Variants in NKX6-3 observed in about 807,000 individuals in gnomAD.
The protein encoded by NKX6-3 is homeobox protein Nkx-6.3.
In NKX6-3, 17 loss-of-function variants were observed where a neutral mutation model predicts 22.0. The observed-to-expected ratio is 0.77, with a 90% confidence interval of 0.53 to 1.16. The LOEUF (loss-of-function observed/expected upper bound fraction) is 1.16, where lower values mean the gene tolerates loss of function less well. Ranked by LOEUF, NKX6-3 falls within the 50% of genes most tolerant of loss-of-function variation. The probability of loss-of-function intolerance (pLI) is 0.00; values close to 1 mark genes in which losing one functional copy is unlikely to be tolerated. For synonymous variants in NKX6-3, 177 were observed against 167.2 expected, an observed-to-expected ratio of 1.06 and a Z score of -0.45; for missense variants, 363 against 359.0, an observed-to-expected ratio of 1.01 and a Z score of -0.09.
Position 41,646,651 on chromosome 8 carries a change from G to A in NKX6-3, c.596C>T (p.Ala199Val), listed in dbSNP as rs903285382. The A allele has an allele frequency of 1.9e-6, 3 of 1,547,068 alleles. No homozygotes were observed. The highest frequency in any genetic ancestry group is 2.7e-5 in the African/African-American group (2 of 72,734). Residue 199 changes from alanine (A) to valine (V), a missense_variant, in exon 3 of 3, where the codon GCC becomes GTC. By Grantham distance (64) the Ala-to-Val change is moderately conservative. This residue lies in a region of NKX6-3 where 169 missense variants were observed against 155.8 expected (regional missense o/e 1.08). Transcript: ENST00000518699. ...GGGCGTGGAGGACGAGGGCTCCAGG[G>A]CGCTCTTCTTCCGCCACTTGGTCCT... is the stretch of plus-strand genomic sequence containing the variant. ...NRRTKWRKKS[A>V]LEPSSSTPRA...
At chr8:41,647,434 G>C (rs571571957) in intron 2 of NKX6-3, 2 of 1,393,428 alleles carry the variant, frequency 1.4e-6, no homozygotes, top group Non-Finnish European at 1.9e-6. Context: ...GGTAGAAACC[G>C]GTTTCCCCGG....
At position 41,646,571 on chromosome 8, in the gene NKX6-3, T is replaced by C. The variant is rs539243524; in HGVS notation, c.676A>G (p.Asn226Asp). ...GGCTTGTTGTACTCGTCGTCCTCGT[T>C]CTCCGAGGGTGCGCGGTCCCCGCCT... ...GAGGDRAPSENEDDEYNKPLD... is the reference protein window; with the variant it reads ...GAGGDRAPSEDEDDEYNKPLD... Residue 226 changes from asparagine (N) to aspartate (D), a missense_variant, in exon 3 of 3, where the codon AAC (asparagine) becomes GAC (aspartate). Around this residue, in one of 3 missense-constraint regions of NKX6-3, gnomAD observed 169 missense variants for 155.8 expected, o/e 1.08. Coordinates refer to ENST00000518699, the MANE Select transcript of NKX6-3 (RefSeq NM_001364841.2). 5 of 1,599,572 alleles carry C rather than the reference T, an allele frequency of 3.1e-6. No homozygotes were observed. In the East Asian group the frequency reaches 6.8e-5, roughly 22 times the overall value.
Position 41,650,621 on chromosome 8 carries a change from T to G in NKX6-3, c.-129A>C. ...TCCGAGCTCCTGACTGCCTCCCACC[T>G]AAGGCATGGGCCAGGCCCTGGCCCA... is the stretch of plus-strand genomic sequence containing the variant. On this transcript the variant is annotated 5_prime_UTR_variant, in exon 1 of 3. The change abolishes the stop of an existing upstream ORF in the 5' untranslated region. Coordinates refer to ENST00000518699, the MANE Select transcript of NKX6-3 (RefSeq NM_001364841.2). 1 of 952,422 alleles carries G rather than the reference T, an allele frequency of 1.0e-6. No homozygotes were observed. The highest frequency in any genetic ancestry group is 1.7e-5 in the African/African-American group (1 of 60,294). 59.0% of individuals were successfully genotyped at this position (952,422 alleles called of 1,614,324 possible).
intron 2 of NKX6-3, chr8:41,647,095 T>G: frequency 2.2e-6 from 3 of 1,361,282 alleles, no homozygotes; most frequent in Non-Finnish European, 3.1e-6. Flanking sequence ...CTGGGCTTCA[T>G]AGACCCTCAC....
intron 1 of NKX6-3, among the ~76,000 whole-genome samples, chr8:41,649,716 C>T (rs1261716501): frequency 6.6e-6 from 1 of 152,216 alleles, no homozygotes; most frequent in Non-Finnish European, 1.5e-5. Context: ...ACATTTTCCT[C>T]ACGGGGGTAG....
At position 41,649,527 on chromosome 8, in the gene NKX6-3, A is replaced by C. The variant is rs796106127; in HGVS notation, c.382+584T>G. On this transcript the variant is annotated intron_variant, in intron 1 of 2. Transcript: ENST00000518699. Reference sequence around the variant, plus strand: ...CCCTGCTTCCCCACAGCCAAGGCCAAGTTCAGCTGGACTCAGCAGCAACTC... The same window carrying C: ...CCCTGCTTCCCCACAGCCAAGGCCACGTTCAGCTGGACTCAGCAGCAACTC... Among the ~76,000 whole-genome samples the C allele has an allele frequency of 2.3e-4, 35 of 152,280 alleles. 1 individual carries two copies. The highest frequency in any genetic ancestry group is 7.9e-4 in the African/African-American group (33 of 41,562).
In NKX6-3 at chr8:41,646,369, T is replaced by TGGGGAAGGGGA; in HGVS notation, c.*69_*79dup. ...CTCAGTCCCTGCGCCCCCAGGAGCGTGGGGAAGGGGAGGGGAAGGTAGGCT... is the reference window on the plus strand; with the variant it reads ...CTCAGTCCCTGCGCCCCCAGGAGCGTGGGGAAGGGGAGGGGAAGGGGAGGGGAAGGTAGGCT... On this transcript the variant is annotated 3_prime_UTR_variant, in exon 3 of 3. Transcript: ENST00000518699. 1 of 1,486,882 alleles carries TGGGGAAGGGGA rather than the reference T, an allele frequency of 6.7e-7. No homozygotes were observed. Among genetic ancestry groups the TGGGGAAGGGGA allele is most frequent in the African/African-American group, 1.4e-5 (1 of 70,798 alleles). The allele number at this position is 1,486,882 out of a possible 1,614,324, so 92.1% of individuals were successfully genotyped here.
In NKX6-3 at chr8:41,650,395, T is replaced by C. The variant is rs539435715; in HGVS notation, c.98A>G (p.Asn33Ser). Reference protein sequence around the residue: ...KAPVCQYSVQNSFYKLSPPGL... With the variant: ...KAPVCQYSVQSSFYKLSPPGL... ...TGGGGGGCTGAGCTTGTAGAAGGAG[T>C]TCTGCACAGAGTACTGGCACACCGG... Residue 33 changes from asparagine (N) to serine (S), a missense_variant, in exon 1 of 3, where the codon AAC (asparagine) becomes AGC (serine). Physicochemically the swap from Asn to Ser is conservative, Grantham distance 46. Coordinates refer to ENST00000518699, the MANE Select transcript of NKX6-3 (RefSeq NM_001364841.2). 16 of 1,533,756 alleles carry C rather than the reference T, an allele frequency of 1.0e-5. No homozygotes were observed. The highest frequency in any genetic ancestry group is 9.7e-5 in the African/African-American group (7 of 72,476).
chr8:41,649,376 C>T (rs956742629), intron 1 of NKX6-3, among the ~76,000 whole-genome samples: 1 of 152,196 alleles, frequency 6.6e-6, no homozygotes, highest in African/African-American at 2.4e-5. Context: ...ATTCCAAAAA[C>T]TCTCACCTCC....
rs559165549 is a variant in NKX6-3, at chr8:41,646,073, G to C, written c.*376C>G. The C allele has an allele frequency of 9.6e-4, 257 of 268,988 alleles. 1 individual carries two copies. The highest frequency in any genetic ancestry group is 5.4e-3 in the African/African-American group (236 of 44,080). The allele number at this position is 268,988 out of a possible 1,614,324, so 16.7% of individuals were successfully genotyped here. On this transcript the variant is annotated 3_prime_UTR_variant, in exon 3 of 3. Coordinates refer to ENST00000518699, the MANE Select transcript of NKX6-3 (RefSeq NM_001364841.2). The stretch of plus-strand genomic sequence containing the variant: ...CAGCTGGATCACAGTGGCATGTCTG[G>C]GACCCCACAGCCAGTTTCTTGGCTG...
chr8:41,650,394 G>A lies in NKX6-3; in HGVS notation c.99C>T (p.Asn33=), dbSNP rs961674836. The A allele has an allele frequency of 3.0e-5, 46 of 1,535,546 alleles. No individual in the cohort carries two copies. The African/African-American group carries it at 4.2e-4, about 14-fold the overall frequency. ...CTGGGGGGCTGAGCTTGTAGAAGGA[G>A]TTCTGCACAGAGTACTGGCACACCG... is the stretch of plus-strand genomic sequence containing the variant. ...KAPVCQYSVQ[N]SFYKLSPPGL... Residue 33 remains asparagine, a synonymous_variant, in exon 1 of 3, where the codon AAC becomes AAT. Coordinates refer to ENST00000518699, the MANE Select transcript of NKX6-3 (RefSeq NM_001364841.2).
chr8:41,646,740 G>C (rs1187897841), intron 2 of NKX6-3, 46 bp from the exon 3 acceptor site: 2 of 1,516,854 alleles, frequency 1.3e-6, no homozygotes, highest in Middle Eastern at 1.7e-4. Context: ...CAGCGCGCAC[G>C]GGACGCGAGA....
At position 41,650,334 on chromosome 8, in the gene NKX6-3, G is replaced by C; in HGVS notation, c.159C>G (p.His53Gln). ...LGPQLAAGTP[H>Q]GITDILSRPV... is the part of the protein sequence containing the mutation. ...GCCTGCTCAGGATGTCCGTGATCCC[G>C]TGGGGGGTTCCGGCGGCCAGCTGGG... The change falls in exon 1 of 3, where the codon CAC becomes CAG. Residue 53 changes from histidine (H) to glutamine (Q), a missense_variant. Physicochemically the swap from His to Gln is conservative, Grantham distance 24. Coordinates refer to ENST00000518699, the MANE Select transcript of NKX6-3 (RefSeq NM_001364841.2). 1 of 1,535,078 alleles carries C rather than the reference G, an allele frequency of 6.5e-7. No individual in the cohort carries two copies. The highest frequency in any genetic ancestry group is 8.7e-7 in the Non-Finnish European group (1 of 1,146,314).
At chr8:41,647,241 T>G (rs766070869) in intron 2 of NKX6-3, 1 of 1,611,768 alleles carries the variant, frequency 6.2e-7, no homozygotes, top group Non-Finnish European at 8.5e-7. Flanking sequence ...TCCCCCCAGC[T>G]CTCGCCCCAG....
In NKX6-3 at chr8:41,646,403, TC is replaced by T; in HGVS notation, c.*45del. ...GGAGGGGAAGGTAGGCTCCTCGGCG[TC>T]CCCCCGCAGGCTGCAGCCAGGATCC... is the stretch of plus-strand genomic sequence containing the variant. On this transcript the variant is annotated 3_prime_UTR_variant, in exon 3 of 3. Coordinates refer to ENST00000518699, the MANE Select transcript of NKX6-3 (RefSeq NM_001364841.2). The T allele has an allele frequency of 1.3e-6, 2 of 1,546,202 alleles. No homozygotes were observed. The highest frequency in any genetic ancestry group is 1.7e-6 in the Non-Finnish European group (2 of 1,151,448).
chr8:41,646,830 AC>A, intron 2 of NKX6-3, 136 bp from the exon 3 acceptor site: 1 of 1,301,588 alleles, frequency 7.7e-7, no homozygotes, highest in Non-Finnish European at 1.0e-6. Context: ...TTGGGGAAGG[AC>A]AATAAAATTT....
chr8:41,650,510 A>T lies in NKX6-3; in HGVS notation c.-18T>A. On this transcript the variant is annotated 5_prime_UTR_variant, in exon 1 of 3. Transcript: ENST00000518699. ...GACTCCATGATCTCCCAGTCAGGAC[A>T]GGGAAGGCTTCTCCAGGCCCCTAAA... is the stretch of plus-strand genomic sequence containing the variant. The T allele has an allele frequency of 1.3e-6, 2 of 1,533,778 alleles. No homozygotes were observed. Among genetic ancestry groups the T allele is most frequent in the South Asian group, 2.4e-5 (2 of 83,502 alleles).
intron 2 of NKX6-3, among the ~76,000 whole-genome samples, 154 bp from the exon 3 acceptor site, chr8:41,646,848 G>C (rs987053673): frequency 1.3e-5 from 2 of 149,402 alleles, no homozygotes; most frequent in African/African-American, 4.9e-5. Flanking sequence ...ATTTAAAAAC[G>C]TGAGCGCGGC....
Position 41,646,693 on chromosome 8 carries a change from A to AC in NKX6-3, c.553dup (p.Val185GlyfsTer117). The AC allele has an allele frequency of 6.5e-7, 1 of 1,538,550 alleles. No homozygotes were observed. Among genetic ancestry groups the AC allele is most frequent in the Non-Finnish European group, 8.7e-7 (1 of 1,145,736 alleles). ...CTTGGTCCTGCGGTTCTGGAACCAC[A>AC]CCTGCGATGAGAAAGAATGTGAAGG... is the stretch of plus-strand genomic sequence containing the variant. On this transcript the variant is annotated frameshift_variant and splice_region_variant, in exon 3 of 3. Transcript: ENST00000518699. LOFTEE classifies it high-confidence loss of function.
Sources: allele counts gnomAD v4.1 joint callset (sites outside exome capture counted in the v4.1 genomes callset), GRCh38; gene constraint gnomAD v4.1.1; regional missense constraint gnomAD v4.1.1; transcripts MANE v1.5; gene names NCBI Gene and HGNC (gene_info 2026-07-23, HGNC 2026-07-21).